Variants in ZNF592 observed in about 807,000 individuals in gnomAD.
The protein encoded by ZNF592 is zinc finger protein 592, also known as spinocerebellar ataxia, autosomal recessive 5.
Under a neutral mutation model 80.3 loss-of-function variants are expected in ZNF592, and 11 were observed. The observed-to-expected ratio is 0.14, with a 90% CI of 0.09 to 0.23. ZNF592 has a LOEUF of 0.23. Among genes scored for constraint, ZNF592 ranks in the 10% least tolerant of loss-of-function variants. The pLI, the probability that ZNF592 is intolerant of heterozygous loss-of-function variation, is 1.00. For missense variants in ZNF592, 1,420 were observed against 1,633.9 expected (o/e 0.87, Z 2.26); for synonymous variants, 646 against 640.3 (o/e 1.01, Z -0.13).
chr15:84,761,081 A>G (rs913536404), intron 1 of ZNF592, among the ~76,000 whole-genome samples: 2 of 152,108 alleles, frequency 1.3e-5, no homozygotes, highest in Non-Finnish European at 2.9e-5. Flanking sequence ...CTCTTGCCTC[A>G]GCCTCCTAAG....
At chr15:84,769,363 A>T in intron 2 of ZNF592, among the ~76,000 whole-genome samples, 1 of 152,066 alleles carries the variant, frequency 6.6e-6, no homozygotes, top group East Asian at 1.9e-4. Flanking sequence ...GGAAGAAAAT[A>T]AAGCAGTGTA....
chr15:84,803,341 C>A lies in ZNF592; in HGVS notation c.*948C>A, dbSNP rs966916598. The A allele has an allele frequency of 2.0e-5, 3 of 152,688 alleles. No homozygotes were observed. Among genetic ancestry groups the A allele is most frequent in the Non-Finnish European group, 4.4e-5 (3 of 68,098 alleles). The allele number at this position is 152,688 out of a possible 1,614,324, so 9.5% of individuals were successfully genotyped here. On this transcript the variant is annotated 3_prime_UTR_variant, in exon 11 of 11. Transcript: ENST00000560079. The stretch of plus-strand genomic sequence containing the variant: ...TCCTCTCCAAGTGAGCCTGGCCCCA[C>A]CCTATTCCACCCAAGGGTCTTTCCC...
At chr15:84,781,390 ATTT>A (rs75113679) in intron 3 of ZNF592, among the ~76,000 whole-genome samples, 4 of 129,200 alleles carry the variant, frequency 3.1e-5, no homozygotes, top group African/African-American at 5.8e-5. Context: ...TCTATCAAGT[ATTT>A]TTTTTTTTTT....
chr15:84,784,256 A>G lies in ZNF592; in HGVS notation c.1581A>G (p.Arg527=). The change falls in exon 4 of 11, where the codon AGA becomes AGG. Residue 527 remains arginine, a synonymous_variant. Transcript: ENST00000560079. The surrounding 1 kb of genome is among the most constrained non-coding windows in gnomAD (Gnocchi z 5.8). ...ASVTAKSSVQ[R]RSQPQLTQMS... ...TGACAGCCAAGTCTTCAGTGCAAAG[A>G]CGGAGCCAGCCACAGCTTACACAAA... 6.2e-7 allele frequency: 1 copy of G among 1,614,220 alleles called. No individual in the cohort carries two copies. Among genetic ancestry groups the G allele is most frequent in the East Asian group, 2.2e-5 (1 of 44,888 alleles).
At chr15:84,766,991 T>G (rs904498005) in intron 2 of ZNF592, among the ~76,000 whole-genome samples, 16 of 151,896 alleles carry the variant, frequency 1.1e-4, no homozygotes, top group African/African-American at 3.6e-4. Context: ...ATGGCCACTT[T>G]CTGTTTTCTT....
At chr15:84,788,892 T>C (rs1884613040) in intron 4 of ZNF592, among the ~76,000 whole-genome samples, 1 of 152,118 alleles carries the variant, frequency 6.6e-6, no homozygotes, top group Non-Finnish European at 1.5e-5. Flanking sequence ...CAAGATTCAT[T>C]TATGTTGTAG....
chr15:84,762,301 A>G (rs949970574), intron 1 of ZNF592, among the ~76,000 whole-genome samples: 1 of 152,214 alleles, frequency 6.6e-6, no homozygotes, highest in African/African-American at 2.4e-5. Context: ...GGCTTGGTGG[A>G]TGAGGGGTTT....
rs1271555582 is a variant in ZNF592, at chr15:84,799,823, C to T, written c.3138-19C>T. On this transcript the variant is annotated intron_variant, in intron 9 of 10. Transcript: ENST00000560079. This position sits in a 1 kb window ranked among gnomAD's most constrained non-coding sequence, Gnocchi z 4.2. ...TGCGGCCCGGGCACTTACCTGACCT[C>T]TCCGCTGTGCTTCTGCAGGTACTGC... is the stretch of plus-strand genomic sequence containing the variant. 5.0e-6 allele frequency: 8 copies of T among 1,613,658 alleles called. No homozygotes were observed. Among genetic ancestry groups the T allele is most frequent in the Non-Finnish European group, 6.8e-6 (8 of 1,180,024 alleles).
intron 2 of ZNF592, among the ~76,000 whole-genome samples, chr15:84,766,861 G>A (rs1398181155): frequency 6.6e-6 from 1 of 152,084 alleles, no homozygotes; most frequent in Non-Finnish European, 1.5e-5. Flanking sequence ...AAGAGTAATA[G>A]CATGCTCCTC....
intron 5 of ZNF592, among the ~76,000 whole-genome samples, chr15:84,791,924 G>A (rs1962760139): frequency 6.6e-6 from 1 of 152,228 alleles, no homozygotes; most frequent in South Asian, 2.1e-4. Context: ...GTTGGCAGAG[G>A]TCAGACCATG....
intron 1 of ZNF592, among the ~76,000 whole-genome samples, chr15:84,758,755 TCCA>T (rs1567059043): frequency 1.0e-4 from 4 of 38,496 alleles, no homozygotes; most frequent in Admixed American, 2.8e-4. Context: ...CTACTGAAAA[TCCA>T]AAAAAAAAAA....
At chr15:84,752,347 A>C (rs1365673424) in intron 1 of ZNF592, among the ~76,000 whole-genome samples, 1 of 152,190 alleles carries the variant, frequency 6.6e-6, no homozygotes, top group Non-Finnish European at 1.5e-5. Flanking sequence ...TTAAAGGATG[A>C]GTTACAGTGT....
chr15:84,769,576 A>G (rs1264157096), intron 2 of ZNF592, among the ~76,000 whole-genome samples: 2 of 151,336 alleles, frequency 1.3e-5, no homozygotes, highest in Admixed American at 1.3e-4. Flanking sequence ...TGCCTGAGGA[A>G]CGTAAGGAGG....
chr15:84,783,006 G>A lies in ZNF592; in HGVS notation c.331G>A (p.Asp111Asn), dbSNP rs1962464676. 2 of 1,614,028 alleles carry A rather than the reference G, an allele frequency of 1.2e-6. No individual in the cohort carries two copies. The highest frequency in any genetic ancestry group is 1.1e-5 in the South Asian group (1 of 91,082). The stretch of plus-strand genomic sequence containing the variant: ...AGATCCCCACAACTGTGGGAAATTT[G>A]ATTCTACTTTTATGAATGGAGACAG... ...PPDPHNCGKF[D>N]STFMNGDSAR... Residue 111 changes from aspartate (D) to asparagine (N), a missense_variant, in exon 4 of 11, where the codon GAT becomes AAT. Coordinates refer to ENST00000560079, the MANE Select transcript of ZNF592 (RefSeq NM_014630.3). This position sits in a 1 kb window ranked among gnomAD's most constrained non-coding sequence, Gnocchi z 5.0.
chr15:84,799,181 T>A lies in ZNF592; in HGVS notation c.3108T>A (p.His1036Gln), dbSNP rs1963021717. 1 of 1,614,008 alleles carries A rather than the reference T, an allele frequency of 6.2e-7. No homozygotes were observed. The highest frequency in any genetic ancestry group is 1.3e-5 in the African/African-American group (1 of 74,906). ...NSLRKHIRNN[H>Q]DTVKKFYTCG... ...TGCGCAAACACATCCGCAACAACCA[T>A]GACACAGTAAAGAAGTTCTACACCT... Residue 1036 changes from histidine to glutamine, a missense_variant, in exon 9 of 11, where the codon CAT becomes CAA. By Grantham distance (24) the His-to-Gln change is conservative. Coordinates refer to ENST00000560079, the MANE Select transcript of ZNF592 (RefSeq NM_014630.3). This position sits in a 1 kb window ranked among gnomAD's most constrained non-coding sequence, Gnocchi z 4.2.
At position 84,783,329 on chromosome 15, in the gene ZNF592, C is replaced by T. The variant is rs137920901; in HGVS notation, c.654C>T (p.His218=). Residue 218 remains histidine, a synonymous_variant, in exon 4 of 11, where the codon CAC becomes CAT. Coordinates refer to ENST00000560079, the MANE Select transcript of ZNF592 (RefSeq NM_014630.3). This position sits in a 1 kb window ranked among gnomAD's most constrained non-coding sequence, Gnocchi z 5.0. The part of the protein sequence containing the change: ...EPLPLGSQQE[H]EQSGQNTVEP... ...TGCCCTTGGGGAGCCAGCAGGAACA[C>T]GAGCAAAGTGGGCAGAACACAGTGG... 1.4e-4 allele frequency: 218 copies of T among 1,614,184 alleles called. No homozygotes were observed. The highest frequency in any genetic ancestry group is 1.2e-3 in the African/African-American group (87 of 75,026).
intron 10 of ZNF592, 87 bp from the exon 11 acceptor site, chr15:84,801,772 GCTTT>G: frequency 6.3e-7 from 1 of 1,598,886 alleles, no homozygotes; most frequent in Non-Finnish European, 8.6e-7. Flanking sequence ...CCTGGGTGGT[GCTTT>G]CTTTGAGTCC....
rs1444553120 is a variant in ZNF592 at position 84,802,098 on chromosome 15, G to A, written c.3509G>A (p.Arg1170His). ...TACACCTCTGCCAGCTCCCTCAGCC[G>A]CCACCTCTTCATTGTCCACAAGGTG... The part of the protein sequence containing the change: ...LCYTSASSLS[R>H]HLFIVHKVRD... The change falls in exon 11 of 11, where the codon CGC becomes CAC. Residue 1170 changes from arginine to histidine, a missense_variant. This residue lies in a region of ZNF592 where 145 missense variants were observed against 211.9 expected (regional missense o/e 0.68). Coordinates refer to ENST00000560079, the MANE Select transcript of ZNF592 (RefSeq NM_014630.3). 6.2e-7 allele frequency: 1 copy of A among 1,612,530 alleles called. No homozygotes were observed.
chr15:84,779,452 G>A (rs1004015351), intron 3 of ZNF592, among the ~76,000 whole-genome samples: 1 of 152,128 alleles, frequency 6.6e-6, no homozygotes, highest in African/African-American at 2.4e-5. Flanking sequence ...AAAACAGGAT[G>A]TGATCTTTGG....
Sources: gnomAD v4.1 joint callset for allele counts (sites outside exome capture counted in the v4.1 genomes callset) on GRCh38, gnomAD v4.1.1 for gene constraint, gnomAD v4.1.1 regional missense constraint, Gnocchi (gnomAD v3.1) non-coding constraint, MANE v1.5 for transcripts, NCBI Gene and HGNC (gene_info 2026-07-23, HGNC 2026-07-21) for gene names.